Variants in CPS1 observed in about 807,000 individuals in gnomAD.
CPS1 encodes carbamoyl-phosphate synthase 1.
CPS1 carries 109 observed loss-of-function variants against 174.6 expected under a neutral mutation model. That is an observed-to-expected ratio of 0.62 (90% CI 0.53 to 0.73). The LOEUF is 0.73. Ranked by LOEUF, CPS1 falls within the 30% of genes least tolerant of loss-of-function variation. CPS1 has a pLI of 0.00. For missense variants in CPS1, 1,689 were observed against 1,821.9 expected (o/e 0.93, Z 1.33); for synonymous variants, 637 against 632.0 (o/e 1.01, Z -0.12).
chr2:210,502,683 G>T (rs1195282109), intron 1 of CPS1, among the ~76,000 whole-genome samples: 1 of 151,996 alleles, frequency 6.6e-6, no homozygotes, highest in Non-Finnish European at 1.5e-5. Flanking sequence ...CATAGTTCCT[G>T]GGTCTGAGTG....
At chr2:210,675,702 A>T in intron 35 of CPS1, 26 bp from the exon 36 acceptor site, 1 of 1,030,734 alleles carries the variant, frequency 9.7e-7, no homozygotes, top group Non-Finnish European at 1.5e-6. Context: ...GTGATACGGT[A>T]ATTGATTTTT....
intron 8 of CPS1, among the ~76,000 whole-genome samples, chr2:210,590,581 A>G (rs1037178822): frequency 6.6e-6 from 1 of 152,056 alleles, no homozygotes; most frequent in Non-Finnish European, 1.5e-5. Context: ...TCTCTAAAGA[A>G]ATATTAAATT....
intron 34 of CPS1, chr2:210,674,563 T>A: frequency 3.5e-6 from 1 of 284,682 alleles, no homozygotes; most frequent in Non-Finnish European, 6.8e-6. Context: ...CTAACCCGCA[T>A]ATCTTTTAAG....
At chr2:210,662,500 G>T (rs544451517) in intron 32 of CPS1, among the ~76,000 whole-genome samples, 1 of 152,132 alleles carries the variant, frequency 6.6e-6, no homozygotes, top group Non-Finnish European at 1.5e-5. Context: ...GACACATAGC[G>T]AGAAACAAGA....
chr2:210,627,232 C>T (rs1188789931), intron 21 of CPS1, among the ~76,000 whole-genome samples: 2 of 152,174 alleles, frequency 1.3e-5, no homozygotes, highest in East Asian at 1.9e-4. Flanking sequence ...AGCAAGTCAC[C>T]TTTGAAAAAT....
chr2:210,609,857 A>T (rs1024044800), intron 19 of CPS1, among the ~76,000 whole-genome samples: 2 of 151,962 alleles, frequency 1.3e-5, no homozygotes, highest in African/African-American at 4.8e-5. Context: ...TCTGTCACCA[A>T]TACAGGGAAA....
chr2:210,486,473 AC>A (rs1430072042), intron 1 of CPS1, among the ~76,000 whole-genome samples: 3 of 151,902 alleles, frequency 2.0e-5, no homozygotes. Flanking sequence ...TTATCATCTT[AC>A]GTTTTATATC....
chr2:210,491,315 T>G (rs1574463724), intron 1 of CPS1, among the ~76,000 whole-genome samples: 1 of 119,108 alleles, frequency 8.4e-6, no homozygotes, highest in African/African-American at 3.4e-5. Flanking sequence ...GTGTTTTTTT[T>G]TTTTTTTTTT....
chr2:210,581,874 A>G (rs1697933471), intron 5 of CPS1, among the ~76,000 whole-genome samples: 1 of 152,168 alleles, frequency 6.6e-6, no homozygotes, highest in African/African-American at 2.4e-5. Context: ...TCAATGAATT[A>G]TTTTGAATTT....
intron 9 of CPS1, among the ~76,000 whole-genome samples, chr2:210,591,275 G>A (rs1254303161): frequency 6.6e-6 from 1 of 151,900 alleles, no homozygotes; most frequent in Non-Finnish European, 1.5e-5. Context: ...CTGATTTTAA[G>A]CTTGATTTCA....
At chr2:210,656,454 G>A (rs1700708806) in intron 29 of CPS1, 71 bp from the exon 30 acceptor site, 2 of 1,052,058 alleles carry the variant, frequency 1.9e-6, no homozygotes, top group Non-Finnish European at 3.0e-6. Context: ...AGGGGAGGAT[G>A]AGGGAGTAGC....
chr2:210,513,553 T>A (rs1247379160), intron 1 of CPS1, among the ~76,000 whole-genome samples: 1 of 151,958 alleles, frequency 6.6e-6, no homozygotes, highest in African/African-American at 2.4e-5. Context: ...TTTTTGCCTG[T>A]TGAATTGTTG....
At chr2:210,658,731 TAC>T in intron 31 of CPS1, 43 bp downstream of exon 31, 2 of 1,418,008 alleles carry the variant, frequency 1.4e-6, no homozygotes, top group Non-Finnish European at 2.0e-6. Context: ...ACCACTGTGT[TAC>T]GTCATGTTGG....
intron 2 of CPS1, among the ~76,000 whole-genome samples, chr2:210,573,892 T>G (rs1317611687): frequency 6.6e-6 from 1 of 152,058 alleles, no homozygotes. Context: ...GTAAGAAAGT[T>G]GAAATAACAG....
At chr2:210,676,975 T>C (rs1016588467) in intron 36 of CPS1, 32 bp from the exon 37 acceptor site, 1 of 1,604,744 alleles carries the variant, frequency 6.2e-7, no homozygotes, top group Non-Finnish European at 8.5e-7. Context: ...AAATATGCCT[T>C]GTTGTCTATA....
rs6743023 is a variant in CPS1, at chr2:210,599,142, G to A, written c.1360-230G>A. Among the ~76,000 whole-genome samples the A allele has an allele frequency of 0.021, 3,238 of 151,838 alleles. 99 individuals carry two copies. Among genetic ancestry groups the A allele is most frequent in the Middle Eastern group, 0.068 (20 of 294 alleles). On this transcript the variant is annotated intron_variant, in intron 13 of 37. Coordinates refer to ENST00000233072, the MANE Select transcript of CPS1 (RefSeq NM_001875.5). ...ACAGTGGCAAAGATCACCTCATGGC[G>A]ATCTTCATGAGACAGCCAATTCTTT...
rs918354309 is a variant in CPS1 at position 210,608,435 on chromosome 2, G to A, written c.2267G>A (p.Gly756Glu). The A allele has an allele frequency of 6.2e-7, 1 of 1,612,532 alleles. No individual in the cohort carries two copies. The highest frequency in any genetic ancestry group is 1.3e-5 in the African/African-American group (1 of 74,890). The change falls in exon 19 of 38, where the codon GGG becomes GAG. Residue 756 changes from glycine (G) to glutamate (E), a missense_variant. Transcript: ENST00000233072. The part of the protein sequence containing the change: ...PLPEIKNVVS[G>E]KTSACFEPSL... ...CCAGAAATTAAGAACGTCGTATCCG[G>A]GAAGACATCAGCCTGTTTTGAACCT...
At chr2:210,516,587 A>C (rs1247801043) in intron 1 of CPS1, among the ~76,000 whole-genome samples, 1 of 151,070 alleles carries the variant, frequency 6.6e-6, no homozygotes, top group African/African-American at 2.5e-5. Flanking sequence ...AAACTCCTTC[A>C]GTAGTTCTGT....
In CPS1 at chr2:210,575,680, C is replaced by A. The variant is rs73073562; in HGVS notation, c.237-666C>A. ...AAGTCAGAAATCCCTCAAGTCAAGT[C>A]TGCGAGATGAATTTTTTTCTAAGCA... is the stretch of plus-strand genomic sequence containing the variant. On this transcript the variant is annotated intron_variant, in intron 2 of 37. Transcript: ENST00000233072. 5.8e-3 allele frequency among the ~76,000 whole-genome samples: 875 copies of A among 152,122 alleles called. 8 individuals carry two copies. Among genetic ancestry groups the A allele is most frequent in the African/African-American group, 0.02 (828 of 41,518 alleles).
Sources: gnomAD v4.1 joint callset for allele counts (sites outside exome capture counted in the v4.1 genomes callset) on GRCh38, gnomAD v4.1.1 for gene constraint, MANE v1.5 for transcripts, NCBI Gene and HGNC (gene_info 2026-07-23, HGNC 2026-07-21) for gene names.